The following DDX10 variants were observed in gnomAD, a reference collection of about 807,000 sequenced individuals.
DDX10 encodes DEAD-box helicase 10.
Under a neutral mutation model 104.3 loss-of-function variants are expected in DDX10, and 74 were observed. The ratio of observed to expected loss-of-function variants is 0.71; its 90% confidence interval spans 0.59 to 0.86. The LOEUF (loss-of-function observed/expected upper bound fraction) is 0.86, where lower values mean the gene tolerates loss of function less well. Among genes scored for constraint, DDX10 ranks in the 40% least tolerant of loss-of-function variants. The pLI, the probability that DDX10 is intolerant of heterozygous loss-of-function variation, is 0.00. For missense variants in DDX10, 952 were observed against 1,040.0 expected (o/e 0.92, Z 1.16); for synonymous variants, 351 against 353.4 (o/e 0.99, Z 0.08).
intron 16 of DDX10, among the ~76,000 whole-genome samples, chr11:108,917,468 C>T (rs951126305): frequency 6.6e-6 from 1 of 152,056 alleles, no homozygotes; most frequent in African/African-American, 2.4e-5. Flanking sequence ...CAGGCGTGAT[C>T]ATTGTGTACT....
intron 13 of DDX10, among the ~76,000 whole-genome samples, chr11:108,803,324 C>T (rs368883728): frequency 2.0e-5 from 3 of 151,088 alleles, no homozygotes; most frequent in Admixed American, 6.6e-5. Flanking sequence ...CCAGCCACGG[C>T]GGCTCACGCC....
chr11:108,928,893 C>T (rs1863941777), intron 17 of DDX10, among the ~76,000 whole-genome samples: 1 of 152,186 alleles, frequency 6.6e-6, no homozygotes. Context: ...TTGTTTTCCT[C>T]ATTGAAGTCA....
intron 16 of DDX10, among the ~76,000 whole-genome samples, chr11:108,904,964 G>A (rs1287045422): frequency 6.6e-6 from 1 of 152,132 alleles, no homozygotes; most frequent in Non-Finnish European, 1.5e-5. Flanking sequence ...AAGGCTTTCA[G>A]GGATGAATGA....
At chr11:108,917,742 G>T in intron 16 of DDX10, 131 bp from the exon 17 acceptor site, 2 of 810,606 alleles carry the variant, frequency 2.5e-6, no homozygotes, top group Non-Finnish European at 3.9e-6. Flanking sequence ...GTCACATAAG[G>T]GCCTACACCA....
intron 13 of DDX10, among the ~76,000 whole-genome samples, chr11:108,805,892 TAA>T (rs982744865): frequency 1.8e-4 from 27 of 152,198 alleles, no homozygotes; most frequent in African/African-American, 5.8e-4. Context: ...TTTTGAATGT[TAA>T]GTTTTTATAA....
chr11:108,698,399 GT>G (rs553671378), intron 9 of DDX10, among the ~76,000 whole-genome samples: 1 of 152,356 alleles, frequency 6.6e-6, no homozygotes, highest in African/African-American at 2.4e-5. Context: ...AAGGTCTGCA[GT>G]CTGCTCCTCG....
chr11:108,916,710 A>G (rs566954504), intron 16 of DDX10, among the ~76,000 whole-genome samples: 1 of 152,308 alleles, frequency 6.6e-6, no homozygotes, highest in Admixed American at 6.5e-5. Flanking sequence ...ATTTTCTGTT[A>G]AATGCATGTG....
At chr11:108,721,601 G>A (rs2094298441) in intron 12 of DDX10, among the ~76,000 whole-genome samples, 1 of 152,104 alleles carries the variant, frequency 6.6e-6, no homozygotes, top group Non-Finnish European at 1.5e-5. Context: ...GAAAATTAAC[G>A]TTGAGAACAA....
At chr11:108,806,151 C>CG (rs1043939801) in intron 13 of DDX10, among the ~76,000 whole-genome samples, 12 of 151,952 alleles carry the variant, frequency 7.9e-5, no homozygotes, top group African/African-American at 2.2e-4. Flanking sequence ...TTAGTAGAGA[C>CG]GGGGTCTCTC....
intron 5 of DDX10, among the ~76,000 whole-genome samples, chr11:108,679,013 C>T (rs1215529854): frequency 6.6e-6 from 1 of 151,784 alleles, no homozygotes; most frequent in Non-Finnish European, 1.5e-5. Context: ...TGTGCACCAC[C>T]ACGCCCAGCT....
At chr11:108,700,623 A>G (rs1296633458) in intron 9 of DDX10, among the ~76,000 whole-genome samples, 1 of 152,230 alleles carries the variant, frequency 6.6e-6, no homozygotes, top group African/African-American at 2.4e-5. Context: ...TAGGAGAGAT[A>G]GACATCCTGT....
intron 13 of DDX10, among the ~76,000 whole-genome samples, chr11:108,745,114 C>T (rs1447404979): frequency 8.8e-6 from 1 of 113,962 alleles, no homozygotes; most frequent in East Asian, 3.0e-4. Context: ...CCCTCCCCTT[C>T]CCCTTCCTCT....
At position 108,780,537 on chromosome 11, in the gene DDX10, G is replaced by C. The variant is rs2094376788; in HGVS notation, c.1965+57075G>C. ...TCATTTGAATAATCCAGAGTTCTAA[G>C]AATTTTATACTGGAGATCCTTATCC... On this transcript the variant is annotated intron_variant, in intron 13 of 17. Coordinates refer to ENST00000322536, the MANE Select transcript of DDX10 (RefSeq NM_004398.4). 2.0e-5 allele frequency among the ~76,000 whole-genome samples: 3 copies of C among 152,174 alleles called. No homozygotes were observed. In the South Asian group the frequency reaches 6.2e-4, roughly 32 times the overall value.
chr11:108,783,963 A>T (rs1465724296), intron 13 of DDX10, among the ~76,000 whole-genome samples: 4 of 152,210 alleles, frequency 2.6e-5, no homozygotes, highest in African/African-American at 9.6e-5. Context: ...AACGGCCTCC[A>T]GCTCTATCCA....
intron 13 of DDX10, among the ~76,000 whole-genome samples, chr11:108,794,869 C>T (rs1233031746): frequency 7.0e-6 from 1 of 143,802 alleles, no homozygotes; most frequent in African/African-American, 2.6e-5. Context: ...CTCTGTTGCC[C>T]AGGCTGGAGT....
intron 10 of DDX10, among the ~76,000 whole-genome samples, chr11:108,714,845 A>T (rs2094289271): frequency 6.6e-6 from 1 of 152,126 alleles, no homozygotes; most frequent in Non-Finnish European, 1.5e-5. Flanking sequence ...GATGTAGAAG[A>T]GACAAAACTG....
intron 13 of DDX10, among the ~76,000 whole-genome samples, chr11:108,791,430 G>A (rs1428562463): frequency 6.6e-6 from 1 of 152,182 alleles, no homozygotes; most frequent in Non-Finnish European, 1.5e-5. Flanking sequence ...TGTATTCAGA[G>A]CATCTTTTTT....
At chr11:108,831,363 C>G (rs896503031) in intron 13 of DDX10, among the ~76,000 whole-genome samples, 2 of 145,528 alleles carry the variant, frequency 1.4e-5, no homozygotes, top group South Asian at 4.3e-4. Flanking sequence ...GAGATCGAGC[C>G]ACTGCACTCT....
intron 13 of DDX10, among the ~76,000 whole-genome samples, chr11:108,793,488 A>G (rs969156735): frequency 2.6e-5 from 4 of 152,174 alleles, no homozygotes; most frequent in Non-Finnish European, 5.9e-5. Context: ...CCAAGTAGGT[A>G]CACCTTTACC....
Sources: allele counts gnomAD v4.1 joint callset (sites outside exome capture counted in the v4.1 genomes callset), GRCh38; gene constraint gnomAD v4.1.1; transcripts MANE v1.5; gene names NCBI Gene and HGNC (gene_info 2026-07-23, HGNC 2026-07-21).